ATP10B: variants seen among roughly 807,000 people sequenced by gnomAD.
ATP10B encodes the protein ATPase phospholipid transporting 10B (putative).
ATP10B carries 122 observed loss-of-function variants against 141.2 expected under a neutral mutation model. The observed-to-expected ratio is 0.86, with a 90% CI of 0.75 to 1.00. The LOEUF is 1.00. Among genes scored for constraint, ATP10B ranks in the 50% least tolerant of loss-of-function variants. The probability of loss-of-function intolerance (pLI) is 0.00; values close to 1 mark genes in which losing one functional copy is unlikely to be tolerated. For synonymous variants in ATP10B, 685 were observed against 692.0 expected (o/e 0.99, Z 0.16); for missense variants, 1,876 against 1,825.3 (o/e 1.03, Z -0.51).
At chr5:160,837,330 A>G (rs2127983096) in intron 1 of ATP10B, among the ~76,000 whole-genome samples, 1 of 152,304 alleles carries the variant, frequency 6.6e-6, no homozygotes, top group South Asian at 2.1e-4. Context: ...ACAAAATCAT[A>G]AATGGCTTGA....
intron 7 of ATP10B, among the ~76,000 whole-genome samples, chr5:160,651,474 C>T (rs1477627943): frequency 6.6e-6 from 1 of 152,042 alleles, no homozygotes; most frequent in Non-Finnish European, 1.5e-5. Context: ...GGGCTAACAT[C>T]ACCTGCCCTG....
chr5:160,598,437 A>G (rs1351575152), intron 22 of ATP10B, among the ~76,000 whole-genome samples: 1 of 152,038 alleles, frequency 6.6e-6, no homozygotes, highest in Non-Finnish European at 1.5e-5. Flanking sequence ...ACCTAATGCT[A>G]AATGACGAGT....
chr5:160,902,618 A>G, the ATP10B span, among the ~76,000 whole-genome samples: 2 of 152,208 alleles, frequency 1.3e-5, no homozygotes, highest in Non-Finnish European at 2.9e-5. Context: ...GGAAAAAGGA[A>G]TAATGTCAGG....
At chr5:160,686,030 GTTTGCCTAACCCA>G in intron 6 of ATP10B, 36 bp downstream of exon 6, 1 of 1,388,332 alleles carries the variant, frequency 7.2e-7, no homozygotes, top group African/African-American at 1.4e-5. Context: ...ATGCTGATGA[GTTTGCCTAACCCA>G]TTTGCAAGAG....
intron 16 of ATP10B, among the ~76,000 whole-genome samples, chr5:160,617,528 G>A (rs140801616): frequency 2.6e-5 from 4 of 152,058 alleles, no homozygotes; most frequent in African/African-American, 9.7e-5. Context: ...CCATATAAAA[G>A]GTCCCCAAAT....
chr5:160,685,114 C>T, intron 6 of ATP10B: 1 of 703,200 alleles, frequency 1.4e-6, no homozygotes, highest in Non-Finnish European at 2.6e-6. Context: ...ACGATGATGT[C>T]TGTTGGGGTT....
intron 3 of ATP10B, among the ~76,000 whole-genome samples, chr5:160,690,210 A>G (rs922668731): frequency 5.9e-5 from 9 of 152,230 alleles, no homozygotes; most frequent in African/African-American, 1.2e-4. Flanking sequence ...TTAACTCAAG[A>G]TGGATTAAAG....
chr5:160,653,752 CATAAAT>C (rs1344488632), intron 7 of ATP10B, among the ~76,000 whole-genome samples: 3 of 97,484 alleles, frequency 3.1e-5, no homozygotes, highest in African/African-American at 1.1e-4. Flanking sequence ...ATTACATATA[CATAAAT>C]ATATATAATA....
the ATP10B span, among the ~76,000 whole-genome samples, chr5:160,892,669 G>T: frequency 6.6e-6 from 1 of 152,052 alleles, no homozygotes; most frequent in African/African-American, 2.4e-5. Context: ...TCCATCCCTG[G>T]TATCCAAACT....
At chr5:160,663,702 A>T (rs1762129423) in intron 7 of ATP10B, among the ~76,000 whole-genome samples, 1 of 151,966 alleles carries the variant, frequency 6.6e-6, no homozygotes. Context: ...TGACGAGTTA[A>T]TGGGTGCAGC....
chr5:160,926,650 C>T, the ATP10B span, among the ~76,000 whole-genome samples: 1 of 152,230 alleles, frequency 6.6e-6, no homozygotes, highest in African/African-American at 2.4e-5. Context: ...AAACCACCAG[C>T]ATGTGAAATA....
intron 5 of ATP10B, 129 bp downstream of exon 5, chr5:160,687,671 G>A: frequency 9.2e-7 from 1 of 1,089,098 alleles, no homozygotes; most frequent in Non-Finnish European, 1.3e-6. Flanking sequence ...AGGCTGAGGT[G>A]GGAGATTCCC....
At position 160,687,579 on chromosome 5, in the gene ATP10B, C is replaced by T. The variant is rs147083299; in HGVS notation, c.275+221G>A. 1.8e-4 allele frequency among the ~76,000 whole-genome samples: 27 copies of T among 152,146 alleles called. No homozygotes were observed. The East Asian group carries it at 4.1e-3, about 23-fold the overall frequency. On this transcript the variant is annotated intron_variant, in intron 5 of 25. Coordinates refer to ENST00000327245, the MANE Select transcript of ATP10B (RefSeq NM_025153.3). ...AGGAGTTAGAGACCAGCTTGGGCAA[C>T]GTGGCAAAACCCCATATCTACATAA... is the stretch of plus-strand genomic sequence containing the variant.
At position 160,716,896 on chromosome 5, in the gene ATP10B, G is replaced by A. The variant is rs1316442784; in HGVS notation, c.-205+13C>T. Reference sequence around the variant, plus strand: ...AAAAGGAAAGAAACGGGGAAGCAACGCAAAAGATATACCTGTTAGCGGAGT... The same window carrying A: ...AAAAGGAAAGAAACGGGGAAGCAACACAAAAGATATACCTGTTAGCGGAGT... On this transcript the variant is annotated intron_variant, in intron 3 of 25. Transcript: ENST00000327245. 5 of 985,148 alleles carry A rather than the reference G, an allele frequency of 5.1e-6. No individual in the cohort carries two copies. Among genetic ancestry groups the A allele is most frequent in the South Asian group, 4.7e-5 (1 of 21,278 alleles). 61.0% of individuals were successfully genotyped at this position (985,148 alleles called of 1,614,324 possible).
At chr5:160,696,537 TC>T (rs1327614988) in intron 3 of ATP10B, among the ~76,000 whole-genome samples, 3 of 152,294 alleles carry the variant, frequency 2.0e-5, no homozygotes, top group African/African-American at 7.2e-5. Context: ...AAACTCTTGA[TC>T]CCTTATGACA....
intron 1 of ATP10B, among the ~76,000 whole-genome samples, chr5:160,819,379 A>T (rs1311528213): frequency 6.6e-6 from 1 of 152,172 alleles, no homozygotes; most frequent in Non-Finnish European, 1.5e-5. Flanking sequence ...AGAGAAACAA[A>T]AGCTGAGGGA....
chr5:160,920,532 G>A, the ATP10B span, among the ~76,000 whole-genome samples: 1 of 152,220 alleles, frequency 6.6e-6, no homozygotes, highest in Admixed American at 6.5e-5. Context: ...GAAGCACATG[G>A]AACTTACATT....
the ATP10B span, among the ~76,000 whole-genome samples, chr5:160,925,536 G>T: frequency 0.51 from 77,645 of 152,108 alleles, 20,087 homozygotes; most frequent in Non-Finnish European, 0.54. Context: ...GTGATAAATT[G>T]CCTCTTGCAT....
intron 22 of ATP10B, among the ~76,000 whole-genome samples, chr5:160,593,985 C>A (rs546635343): frequency 2.3e-4 from 35 of 152,338 alleles, no homozygotes; most frequent in African/African-American, 8.2e-4. Flanking sequence ...TCCAGGAGAA[C>A]TTCCCCAATC....
Sources: allele counts gnomAD v4.1 joint callset (sites outside exome capture counted in the v4.1 genomes callset), GRCh38; gene constraint gnomAD v4.1.1; transcripts MANE v1.5; gene names NCBI Gene and HGNC (gene_info 2026-07-23, HGNC 2026-07-21).